Variants in SLC8A3 observed in about 807,000 individuals in gnomAD.
The protein encoded by SLC8A3 is sodium/calcium exchanger 3.
A neutral mutation model predicts 65.4 loss-of-function variants in SLC8A3; 37 were observed. The ratio of observed to expected loss-of-function variants is 0.57; its 90% CI spans 0.44 to 0.74. The LOEUF (loss-of-function observed/expected upper bound fraction) is 0.74, where lower values mean the gene tolerates loss of function less well. Ranked by LOEUF, SLC8A3 falls within the 30% of genes least tolerant of loss-of-function variation. The pLI, the probability that SLC8A3 is intolerant of heterozygous loss-of-function variation, is 0.00. For missense variants in SLC8A3, 1,112 were observed against 1,172.1 expected (o/e 0.95, Z 0.75); for synonymous variants, 461 against 444.5 (o/e 1.04, Z -0.47).
intron 2 of SLC8A3, among the ~76,000 whole-genome samples, chr14:70,122,301 T>C (rs920129514): frequency 6.6e-5 from 10 of 152,220 alleles, no homozygotes; most frequent in Non-Finnish European, 1.2e-4. Context: ...TTGCTCTTTT[T>C]CACAGAAGAC....
At chr14:70,156,944 G>C (rs571585419) in intron 2 of SLC8A3, among the ~76,000 whole-genome samples, 2 of 152,210 alleles carry the variant, frequency 1.3e-5, no homozygotes, top group Non-Finnish European at 2.9e-5. Flanking sequence ...TCTGACGCTA[G>C]TGTCCTGGAG....
Position 70,045,559 on chromosome 14 carries a change from G to T in SLC8A3, c.*388C>A, listed in dbSNP as rs1886667352. On this transcript the variant is annotated 3_prime_UTR_variant, in exon 7 of 7. Transcript: ENST00000356921. ...CTGAGTGAGATAATAGGGACATATG[G>T]AATTGGGCAGAGAGGAGAAACCCTG... 5.8e-6 allele frequency: 1 copy of T among 171,134 alleles called. No homozygotes were observed. The highest frequency in any genetic ancestry group is 1.2e-5 in the Non-Finnish European group (1 of 80,248). 10.6% of individuals were successfully genotyped at this position (171,134 alleles called of 1,614,324 possible). A position where few individuals can be genotyped will look rare whatever the true frequency, so the allele number is the denominator to read the frequency against.
chr14:70,098,875 A>T (rs1892373292), intron 2 of SLC8A3, among the ~76,000 whole-genome samples: 1 of 152,248 alleles, frequency 6.6e-6, no homozygotes, highest in Non-Finnish European at 1.5e-5. Context: ...AGAAAGGTTG[A>T]GAAAAGCCAG....
chr14:70,093,470 G>C lies in SLC8A3; in HGVS notation c.1785-32531C>G, dbSNP rs1891940841. ...TTGCCAAGTGGAGAGAGTAACACCT[G>C]TCTCACATACCTCACAGGACTATTG... On this transcript the variant is annotated intron_variant, in intron 2 of 6. Transcript: ENST00000356921. Among the ~76,000 whole-genome samples, 3 of 152,292 alleles carry C rather than the reference G, an allele frequency of 2.0e-5. No individual in the cohort carries two copies. The South Asian group carries it at 6.2e-4, about 32-fold the overall frequency.
intron 2 of SLC8A3, among the ~76,000 whole-genome samples, chr14:70,110,750 G>A (rs1049818175): frequency 3.6e-5 from 5 of 139,506 alleles, no homozygotes; most frequent in East Asian, 2.2e-4. Context: ...GTGCTATCTC[G>A]GCTCACTGAA....
At chr14:70,070,301 G>A (rs1430717294) in intron 2 of SLC8A3, among the ~76,000 whole-genome samples, 1 of 152,172 alleles carries the variant, frequency 6.6e-6, no homozygotes. Context: ...ATAGGTAGAG[G>A]CCAGACCAGG....
At chr14:70,154,981 G>A (rs899789799) in intron 2 of SLC8A3, among the ~76,000 whole-genome samples, 11 of 147,880 alleles carry the variant, frequency 7.4e-5, no homozygotes, top group African/African-American at 2.5e-4. Context: ...GTGCAGTGGC[G>A]TGATCTCGGC....
chr14:70,187,599 C>CTGTGTGTGTGTGTG (rs3053393), intron 1 of SLC8A3, among the ~76,000 whole-genome samples: 41 of 118,284 alleles, frequency 3.5e-4, no homozygotes, highest in Non-Finnish European at 3.8e-4. Context: ...AGGGCTTTGA[C>CTGTGTGTGTGTGTG]TGTGTGTGTG....
In SLC8A3 at chr14:70,166,601, G is replaced by T. The variant is rs201110121; in HGVS notation, c.1784+38C>A. The T allele has an allele frequency of 4.6e-5, 52 of 1,136,252 alleles. No individual in the cohort carries two copies. In the African/African-American group the frequency reaches 7.6e-4, roughly 17 times the overall value. The allele number at this position is 1,136,252 out of a possible 1,614,324, so 70.4% of individuals were successfully genotyped here. On this transcript the variant is annotated intron_variant, in intron 2 of 6. Transcript: ENST00000356921. ...AAGACAGAAAGAGATGGCAAAAGAT[G>T]GGGTCAGGGAGGGGCAGAATACAGG...
At chr14:70,188,168 A>T (rs1200175213) in intron 1 of SLC8A3, among the ~76,000 whole-genome samples, 1 of 151,940 alleles carries the variant, frequency 6.6e-6, no homozygotes, top group African/African-American at 2.4e-5. Flanking sequence ...CTGCATACAC[A>T]ATGTACACTT....
intron 1 of SLC8A3, among the ~76,000 whole-genome samples, chr14:70,179,955 AG>A (rs1402303648): frequency 6.6e-6 from 1 of 152,214 alleles, no homozygotes; most frequent in Non-Finnish European, 1.5e-5. Flanking sequence ...TCCTTTCAGC[AG>A]GCTGAAGGAG....
At chr14:70,153,352 T>C (rs1896386972) in intron 2 of SLC8A3, among the ~76,000 whole-genome samples, 1 of 152,140 alleles carries the variant, frequency 6.6e-6, no homozygotes, top group Non-Finnish European at 1.5e-5. Context: ...GGGATTTACT[T>C]ACTCCTGAGG....
At chr14:70,163,914 C>T (rs1322507276) in intron 2 of SLC8A3, among the ~76,000 whole-genome samples, 1 of 152,084 alleles carries the variant, frequency 6.6e-6, no homozygotes, top group Non-Finnish European at 1.5e-5. Flanking sequence ...TTCTAAGGTC[C>T]TTTCTAGCTC....
chr14:70,050,210 G>C (rs772648001), intron 5 of SLC8A3, among the ~76,000 whole-genome samples: 5 of 152,176 alleles, frequency 3.3e-5, no homozygotes. Flanking sequence ...GTCATCAGAG[G>C]GGGAGCTAGA....
chr14:70,180,220 G>T (rs548593847), intron 1 of SLC8A3, among the ~76,000 whole-genome samples: 2 of 152,168 alleles, frequency 1.3e-5, no homozygotes, highest in Non-Finnish European at 2.9e-5. Context: ...TATTTCTCAG[G>T]CTATTCTCCA....
chr14:70,154,612 T>G (rs1566816140), intron 2 of SLC8A3, among the ~76,000 whole-genome samples: 1 of 152,246 alleles, frequency 6.6e-6, no homozygotes, highest in Non-Finnish European at 1.5e-5. Context: ...AGGAAAGGTA[T>G]AGTCTGCTTA....
chr14:70,102,086 G>C (rs1892588010), intron 2 of SLC8A3, among the ~76,000 whole-genome samples: 1 of 152,162 alleles, frequency 6.6e-6, no homozygotes, highest in South Asian at 2.1e-4. Flanking sequence ...AGATTCCACA[G>C]GACCCAACAG....
chr14:70,069,417 C>T (rs993831864), intron 2 of SLC8A3, among the ~76,000 whole-genome samples: 5 of 152,294 alleles, frequency 3.3e-5, no homozygotes, highest in Non-Finnish European at 7.3e-5. Context: ...AAGAAGCGTT[C>T]CCTTTCATCA....
intron 2 of SLC8A3, among the ~76,000 whole-genome samples, chr14:70,089,951 T>A (rs950889406): frequency 6.6e-6 from 1 of 151,008 alleles, no homozygotes. Context: ...ATTAGAGAGT[T>A]TTTTTCTTAA....
Sources: allele counts gnomAD v4.1 joint callset (sites outside exome capture counted in the v4.1 genomes callset), GRCh38; gene constraint gnomAD v4.1.1; transcripts MANE v1.5; gene names NCBI Gene and HGNC (gene_info 2026-07-23, HGNC 2026-07-21).